Variants in CEP85L observed in about 807,000 individuals in gnomAD.
The protein encoded by CEP85L is centrosomal protein of 85 kDa-like.
A neutral mutation model predicts 100.3 loss-of-function variants in CEP85L; 60 were observed. The observed-to-expected ratio is 0.60, with a 90% confidence interval of 0.49 to 0.74. CEP85L has a LOEUF of 0.74. Ranked by LOEUF, CEP85L falls within the 30% of genes least tolerant of loss-of-function variation. CEP85L has a pLI of 0.00. For synonymous variants in CEP85L, 319 were observed against 322.7 expected, an observed-to-expected ratio of 0.99 and a Z score of 0.12; for missense variants, 973 against 936.2, an observed-to-expected ratio of 1.04 and a Z score of -0.51.
At chr6:118,524,718 G>A (rs1776865296) in intron 3 of CEP85L, among the ~76,000 whole-genome samples, 1 of 152,240 alleles carries the variant, frequency 6.6e-6, no homozygotes, top group Admixed American at 6.5e-5. Context: ...TCAGTAGTGA[G>A]ACAACCAAAT....
intron 3 of CEP85L, among the ~76,000 whole-genome samples, chr6:118,542,430 CAT>C (rs1777947506): frequency 6.6e-6 from 1 of 151,984 alleles, no homozygotes; most frequent in Non-Finnish European, 1.5e-5. Context: ...GTGAAATTTA[CAT>C]GTTTAACAAA....
rs1034309991 is a variant in CEP85L, at chr6:118,489,956, CACACACACATACGTGTGTGTATATATAT to C, written c.1437+1702_1437+1729del. Among the ~76,000 whole-genome samples the C allele has an allele frequency of 2.6e-3, 398 of 151,432 alleles. 2 individuals are homozygous for C. The highest frequency in any genetic ancestry group is 8.7e-3 in the African/African-American group (357 of 41,086). On this transcript the variant is annotated intron_variant, in intron 6 of 12. Transcript: ENST00000368491. ...ACACACACACATATATACACATGCA[CACACACACATACGTGTGTGTATATATAT>C]ACACACACACACGCACACACACACA...
chr6:118,470,168 C>T (rs1772837815), intron 11 of CEP85L, among the ~76,000 whole-genome samples: 1 of 151,938 alleles, frequency 6.6e-6, no homozygotes, highest in Non-Finnish European at 1.5e-5. Flanking sequence ...TGCTGATCCC[C>T]AAAACTGCTA....
chr6:118,483,482 G>GTAGTT (rs891290771), intron 7 of CEP85L, among the ~76,000 whole-genome samples: 1 of 152,012 alleles, frequency 6.6e-6, no homozygotes, highest in African/African-American at 2.4e-5. Context: ...AACTTCTACA[G>GTAGTT]TAGTTAAGAG....
intron 1 of CEP85L, among the ~76,000 whole-genome samples, chr6:118,683,311 A>T (rs1421020133): frequency 6.6e-6 from 1 of 152,118 alleles, no homozygotes; most frequent in Non-Finnish European, 1.5e-5. Flanking sequence ...TTTGGGGGAG[A>T]ATCTAATCTC....
chr6:118,635,707 A>C (rs531750841), intron 1 of CEP85L, among the ~76,000 whole-genome samples: 1 of 152,320 alleles, frequency 6.6e-6, no homozygotes, highest in African/African-American at 2.4e-5. Context: ...CAATATAACT[A>C]TTTTGAGCAG....
intron 4 of CEP85L, among the ~76,000 whole-genome samples, chr6:118,521,972 T>C (rs1261068012): frequency 1.3e-5 from 2 of 152,172 alleles, no homozygotes. Flanking sequence ...TCCAATGGAA[T>C]GGTATTCAAA....
chr6:118,684,860 C>G (rs1213582055), intron 1 of CEP85L, among the ~76,000 whole-genome samples: 1 of 151,968 alleles, frequency 6.6e-6, no homozygotes, highest in Non-Finnish European at 1.5e-5. Flanking sequence ...CTATGTTGCC[C>G]AGGCTGGTCC....
chr6:118,708,916 T>C (rs888517046), intron 1 of CEP85L, among the ~76,000 whole-genome samples: 1 of 152,206 alleles, frequency 6.6e-6, no homozygotes, highest in African/African-American at 2.4e-5. Context: ...AATCATGAAC[T>C]TTAAATGCCA....
intron 2 of CEP85L, among the ~76,000 whole-genome samples, chr6:118,567,257 A>G (rs1475836872): frequency 7.8e-4 from 45 of 57,346 alleles, no homozygotes; most frequent in Admixed American, 4.3e-3. Flanking sequence ...GTGTATATAT[A>G]TATATATATA....
chr6:118,537,206 C>T (rs892790211), intron 3 of CEP85L, among the ~76,000 whole-genome samples: 1 of 152,006 alleles, frequency 6.6e-6, no homozygotes, highest in African/African-American at 2.4e-5. Flanking sequence ...TAATTTATAA[C>T]TTATTAATGA....
At chr6:118,488,058 C>G (rs7749208) in intron 6 of CEP85L, among the ~76,000 whole-genome samples, 103,142 of 151,788 alleles carry the variant, frequency 0.68, 35,745 homozygotes, top group Middle Eastern at 0.74. Flanking sequence ...CCCCCTCTCT[C>G]GCCAGACTGA....
chr6:118,628,928 A>G (rs1174182944), intron 2 of CEP85L, among the ~76,000 whole-genome samples: 1 of 152,232 alleles, frequency 6.6e-6, no homozygotes, highest in African/African-American at 2.4e-5. Flanking sequence ...GCAAAAGACA[A>G]TGCCAAGAGA....
intron 5 of CEP85L, chr6:118,501,357 T>A: frequency 2.8e-6 from 1 of 361,860 alleles, no homozygotes; most frequent in Non-Finnish European, 5.3e-6. Flanking sequence ...ATGCAGGGGG[T>A]TAGCATGTGT....
At chr6:118,565,224 T>C (rs543776026) in intron 3 of CEP85L, 48 of 332,898 alleles carry the variant, frequency 1.4e-4, no homozygotes, top group African/African-American at 1.0e-3. Flanking sequence ...ATGCTAGCTT[T>C]TTTGTTTCTG....
At chr6:118,681,922 G>C (rs148650211) in intron 1 of CEP85L, among the ~76,000 whole-genome samples, 170 of 151,930 alleles carry the variant, frequency 1.1e-3, no homozygotes, top group African/African-American at 3.9e-3. Context: ...TGTATTTTTA[G>C]TAGAGACGGG....
At chr6:118,581,561 G>C (rs969563684) in intron 2 of CEP85L, among the ~76,000 whole-genome samples, 1 of 152,006 alleles carries the variant, frequency 6.6e-6, no homozygotes, top group African/African-American at 2.4e-5. Context: ...GGCTTGGAGG[G>C]TCACACCTAC....
intron 4 of CEP85L, among the ~76,000 whole-genome samples, chr6:118,521,680 G>T (rs1776676138): frequency 6.6e-6 from 1 of 152,018 alleles, no homozygotes; most frequent in Admixed American, 6.6e-5. Context: ...TTCTTTCTTA[G>T]AATCCCACCC....
intron 2 of CEP85L, among the ~76,000 whole-genome samples, chr6:118,593,292 T>C (rs1224463324): frequency 1.3e-5 from 2 of 151,922 alleles, no homozygotes; most frequent in East Asian, 3.9e-4. Flanking sequence ...AGTCATTGAA[T>C]TGTACACTTC....
Sources: gnomAD v4.1 joint callset for allele counts (sites outside exome capture counted in the v4.1 genomes callset) on GRCh38, gnomAD v4.1.1 for gene constraint, MANE v1.5 for transcripts, NCBI Gene and HGNC (gene_info 2026-07-23, HGNC 2026-07-21) for gene names.